BUB1B: variants seen among roughly 807,000 people sequenced by gnomAD.
The protein encoded by BUB1B is mitotic checkpoint serine/threonine-protein kinase BUB1 beta.
Under a neutral mutation model 137.7 loss-of-function variants are expected in BUB1B, and 86 were observed. The observed-to-expected ratio is 0.62, with a 90% CI of 0.52 to 0.75. The LOEUF (loss-of-function observed/expected upper bound fraction) is 0.75. Among genes scored for constraint, BUB1B ranks in the 30% least tolerant of loss-of-function variants. The pLI, the probability that BUB1B is intolerant of heterozygous loss-of-function variation, is 0.00. For missense variants in BUB1B, 1,130 were observed against 1,236.9 expected, an observed-to-expected ratio of 0.91 and a Z score of 1.30; for synonymous variants, 420 against 417.9, an observed-to-expected ratio of 1.00 and a Z score of -0.06.
chr15:40,188,802 C>T lies in BUB1B; in HGVS notation c.1058+3160C>T, dbSNP rs1470747612. On this transcript the variant is annotated intron_variant, in intron 8 of 22. Coordinates refer to ENST00000287598, the MANE Select transcript of BUB1B (RefSeq NM_001211.6). The stretch of plus-strand genomic sequence containing the variant: ...TTCACCATATTGGCCAGGCTGGTCT[C>T]GAACTCCTGACCTCGAGATCTGCCC... Among the ~76,000 whole-genome samples, 3 of 151,956 alleles carry T rather than the reference C, an allele frequency of 2.0e-5. No homozygotes were observed. In the East Asian group the frequency reaches 5.8e-4, roughly 30 times the overall value.
chr15:40,203,328 T>A (rs978742442), intron 14 of BUB1B, among the ~76,000 whole-genome samples: 9 of 148,768 alleles, frequency 6.0e-5, no homozygotes, highest in African/African-American at 2.4e-4. Flanking sequence ...TGATCTAATT[T>A]TCATGAAATA....
intron 14 of BUB1B, 49 bp from the exon 15 acceptor site, chr15:40,206,135 T>C: frequency 6.3e-7 from 1 of 1,598,844 alleles, no homozygotes; most frequent in Non-Finnish European, 8.6e-7. Context: ...AAAAAAGTTC[T>C]TCATGTATTG....
rs759527622 is a variant in BUB1B at position 40,202,602 on chromosome 15, C to T, written c.1642C>T (p.Pro548Ser). 3.1e-6 allele frequency: 5 copies of T among 1,613,908 alleles called. No individual in the cohort carries two copies. The East Asian group carries it at 8.9e-5, about 29-fold the overall frequency. Residue 548 changes from proline (P) to serine (S), a missense_variant, in exon 14 of 23, where the codon CCC becomes TCC. Coordinates refer to ENST00000287598, the MANE Select transcript of BUB1B (RefSeq NM_001211.6). ...EKKNKSPPAD[P>S]PRVLAQRRPL... is the part of the protein sequence containing the mutation. Reference sequence around the variant, plus strand: ...GTCTTTTTCCAGTCCTCCTGCAGATCCCCCACGAGTTTTAGCTCAACGAAG... The same window carrying T: ...GTCTTTTTCCAGTCCTCCTGCAGATTCCCCACGAGTTTTAGCTCAACGAAG...
At position 40,209,963 on chromosome 15, in the gene BUB1B, A is replaced by AT. The variant is rs538738485; in HGVS notation, c.2285-146dup. On this transcript the variant is annotated intron_variant, in intron 17 of 22. Coordinates refer to ENST00000287598, the MANE Select transcript of BUB1B (RefSeq NM_001211.6). ...AGGAATTATGTCTTCTCCTCTTGCA[A>AT]TCTTTAACAAATTATTTTTAAAAGT... 5.2e-3 allele frequency: 4,990 copies of AT among 955,578 alleles called. 36 individuals are homozygous for AT. The highest frequency in any genetic ancestry group is 6.8e-3 in the Non-Finnish European group (4,191 of 620,228). The allele number at this position is 955,578 out of a possible 1,614,324, so 59.2% of individuals were successfully genotyped here.
At chr15:40,165,851 AT>A (rs398039434) in intron 2 of BUB1B, among the ~76,000 whole-genome samples, 508 of 144,646 alleles carry the variant, frequency 3.5e-3, no homozygotes, top group Middle Eastern at 7.6e-3. Context: ...ATCTCTTTGG[AT>A]TTTTTTTTTT....
chr15:40,195,171 A>G (rs542574258), intron 8 of BUB1B, among the ~76,000 whole-genome samples: 2 of 151,010 alleles, frequency 1.3e-5, no homozygotes, highest in South Asian at 4.2e-4. Flanking sequence ...AGTCCATTGT[A>G]TCATTTTTAT....
In BUB1B at chr15:40,165,852, T is replaced by C. The variant is rs770860850; in HGVS notation, c.179+656T>C. 3.3e-3 allele frequency among the ~76,000 whole-genome samples: 293 copies of C among 89,308 alleles called. 2 individuals are homozygous for C. Among genetic ancestry groups the C allele is most frequent in the Non-Finnish European group, 5.7e-3 (237 of 41,546 alleles). 58.6% of individuals were successfully genotyped at this position (89,308 alleles called of 152,430 possible). On this transcript the variant is annotated intron_variant, in intron 2 of 22. Transcript: ENST00000287598. ...GACTATTCTTATTCATCTCTTTGGATTTTTTTTTTTTTTTTAATATGACAG... is the reference window on the plus strand; with the variant it reads ...GACTATTCTTATTCATCTCTTTGGACTTTTTTTTTTTTTTTAATATGACAG...
chr15:40,181,979 G>A (rs2140888782), intron 5 of BUB1B, among the ~76,000 whole-genome samples: 1 of 152,340 alleles, frequency 6.6e-6, no homozygotes, highest in Admixed American at 6.5e-5. Flanking sequence ...CAAGGCGGGG[G>A]AATCACTTGA....
intron 2 of BUB1B, among the ~76,000 whole-genome samples, chr15:40,167,129 G>C (rs2037108575): frequency 6.7e-6 from 1 of 149,218 alleles, no homozygotes; most frequent in Admixed American, 6.7e-5. Flanking sequence ...TCAAATATAT[G>C]TGTTGCAAAT....
At position 40,189,706 on chromosome 15, in the gene BUB1B, C is replaced by A. The variant is rs142792930; in HGVS notation, c.1058+4064C>A. Among the ~76,000 whole-genome samples, 3 of 152,100 alleles carry A rather than the reference C, an allele frequency of 2.0e-5. No individual in the cohort carries two copies. The East Asian group carries it at 5.8e-4, about 29-fold the overall frequency. ...ACATTTTTGTGTGGACATGTGTTTTCGTTTTTCTTGGCTGTATACCTAGGA... is the reference window on the plus strand; with the variant it reads ...ACATTTTTGTGTGGACATGTGTTTTAGTTTTTCTTGGCTGTATACCTAGGA... On this transcript the variant is annotated intron_variant, in intron 8 of 22. Coordinates refer to ENST00000287598, the MANE Select transcript of BUB1B (RefSeq NM_001211.6).
At position 40,185,413 on chromosome 15, in the gene BUB1B, C is replaced by A. The variant is rs779803347; in HGVS notation, c.966+34C>A. On this transcript the variant is annotated intron_variant, in intron 7 of 22. Transcript: ENST00000287598. The stretch of plus-strand genomic sequence containing the variant: ...TCTTAGATCCAGTGCTTTGCTGACA[C>A]AACAAAGACTTCACATTTAGGGTAG... The A allele has an allele frequency of 8.1e-6, 13 of 1,608,174 alleles. No homozygotes were observed. In the African/African-American group the frequency reaches 1.3e-4, roughly 17 times the overall value.
At position 40,220,968 on chromosome 15, in the gene BUB1B, A is replaced by C. The variant is rs2140915262; in HGVS notation, c.*209A>C. 4.9e-6 allele frequency: 3 copies of C among 607,636 alleles called. No homozygotes were observed. The South Asian group carries it at 5.8e-5, about 12-fold the overall frequency. 37.6% of individuals were successfully genotyped at this position (607,636 alleles called of 1,614,324 possible). Reference sequence around the variant, plus strand: ...ATGGCCTTGTCTAACTTTTGTGAAGAACTATTTTATTCTAAACAGACTCAT... The same window carrying C: ...ATGGCCTTGTCTAACTTTTGTGAAGCACTATTTTATTCTAAACAGACTCAT... On this transcript the variant is annotated 3_prime_UTR_variant, in exon 23 of 23. Transcript: ENST00000287598.
At chr15:40,204,024 A>G (rs2140902819) in intron 14 of BUB1B, among the ~76,000 whole-genome samples, 1 of 152,302 alleles carries the variant, frequency 6.6e-6, no homozygotes, top group East Asian at 1.9e-4. Context: ...TTCTCTGTTG[A>G]TGTATATTTT....
intron 14 of BUB1B, among the ~76,000 whole-genome samples, chr15:40,203,993 G>A (rs1424861675): frequency 1.3e-5 from 2 of 152,186 alleles, no homozygotes; most frequent in African/African-American, 2.4e-5. Flanking sequence ...TTTTTTAAAA[G>A]CACTTTTTCA....
At chr15:40,174,778 A>T (rs2037205871) in intron 4 of BUB1B, among the ~76,000 whole-genome samples, 2 of 152,196 alleles carry the variant, frequency 1.3e-5, no homozygotes, top group South Asian at 4.1e-4. Context: ...ATCCTGGCCA[A>T]TATGGTGAAA....
intron 8 of BUB1B, among the ~76,000 whole-genome samples, chr15:40,194,949 A>G (rs2037480147): frequency 6.6e-6 from 1 of 152,236 alleles, no homozygotes. Context: ...CTTCCTTATC[A>G]TAGCAGAGGT....
rs887843793 is a variant in BUB1B, at chr15:40,199,931, A to G, written c.1401+204A>G. On this transcript the variant is annotated intron_variant, in intron 10 of 22. Coordinates refer to ENST00000287598, the MANE Select transcript of BUB1B (RefSeq NM_001211.6). The stretch of plus-strand genomic sequence containing the variant: ...TTGTGGCATGTGAAATAAGTGGTGC[A>G]GTTTATTGACTTCTTAGTTATACTC... The G allele has an allele frequency of 1.3e-5, 8 of 601,956 alleles. No individual in the cohort carries two copies. The African/African-American group carries it at 1.5e-4, about 11-fold the overall frequency. 37.3% of individuals were successfully genotyped at this position (601,956 alleles called of 1,614,324 possible). A position where few individuals can be genotyped will look rare whatever the true frequency, so the allele number is the denominator to read the frequency against.
rs1229665204 is a variant in BUB1B at position 40,185,201 on chromosome 15, C to T, written c.788C>T (p.Pro263Leu). ...AACAGAGGACTCCAAAATCCATTTCCTCAACAGATGCAAAATAATAGTAGA... is the reference window on the plus strand; with the variant it reads ...AACAGAGGACTCCAAAATCCATTTCTTCAACAGATGCAAAATAATAGTAGA... ...SQNRGLQNPF[P>L]QQMQNNSRIT... Residue 263 changes from proline to leucine, a missense_variant, in exon 7 of 23, where the codon CCT becomes CTT. Physicochemically the swap from Pro to Leu is moderately conservative, Grantham distance 98. Transcript: ENST00000287598. The T allele has an allele frequency of 6.2e-7, 1 of 1,614,076 alleles. No homozygotes were observed. The highest frequency in any genetic ancestry group is 1.7e-5 in the Admixed American group (1 of 60,012).
At position 40,196,759 on chromosome 15, in the gene BUB1B, A is replaced by T; in HGVS notation, c.1273A>T (p.Lys425Ter). Residue 425 changes from lysine to a stop codon, truncating the protein, a stop_gained, in exon 9 of 23, where the codon AAA becomes TAA. Coordinates refer to ENST00000287598, the MANE Select transcript of BUB1B (RefSeq NM_001211.6). LOFTEE classifies it high-confidence loss of function. ...GGCTGAAGTTTTCCGGAAGAAATTA[A>T]AAGAGCAAAGGGAAGGTGTGTGTAA... is the stretch of plus-strand genomic sequence containing the variant. The part of the protein sequence containing the change: ...IRAEVFRKKL[K>*]EQREAELLTS... The T allele has an allele frequency of 6.2e-7, 1 of 1,614,026 alleles. No homozygotes were observed. The highest frequency in any genetic ancestry group is 8.5e-7 in the Non-Finnish European group (1 of 1,179,884).
Sources: allele counts gnomAD v4.1 joint callset (sites outside exome capture counted in the v4.1 genomes callset), GRCh38; gene constraint gnomAD v4.1.1; transcripts MANE v1.5; gene names NCBI Gene and HGNC (gene_info 2026-07-23, HGNC 2026-07-21).